XPO4: variants seen among roughly 807,000 people sequenced by gnomAD.
XPO4 encodes the protein exportin 4.
In XPO4, 39 loss-of-function variants were observed where a neutral mutation model predicts 143.0. The observed-to-expected ratio is 0.27, with a 90% CI of 0.21 to 0.36. The LOEUF is 0.36. Ranked by LOEUF, XPO4 falls within the 10% of genes least tolerant of loss-of-function variation. The pLI, the probability that XPO4 is intolerant of heterozygous loss-of-function variation, is 1.00. For missense variants in XPO4, 907 were observed against 1,348.0 expected (o/e 0.67, Z 5.12); for synonymous variants, 439 against 474.0 (o/e 0.93, Z 0.96).
intron 2 of XPO4, chr13:20,866,085 T>A: frequency 1.0e-6 from 1 of 985,446 alleles, no homozygotes; most frequent in Non-Finnish European, 1.2e-6. Flanking sequence ...TTCTTGATTA[T>A]TTCTTTAACA....
At chr13:20,866,717 G>C (rs9509407) in intron 2 of XPO4, among the ~76,000 whole-genome samples, 53,189 of 151,996 alleles carry the variant, frequency 0.35, 11,121 homozygotes, top group Non-Finnish European at 0.48. Flanking sequence ...GCCAGAACTA[G>C]CAATACTACT....
rs1305900526 is a variant in XPO4 at position 20,821,843 on chromosome 13, G to C, written c.1034C>G (p.Ser345Cys). 6.2e-6 allele frequency: 10 copies of C among 1,613,814 alleles called. No individual in the cohort carries two copies. In the African/African-American group the frequency reaches 1.1e-4, roughly 17 times the overall value. The change falls in exon 9 of 23, where the codon TCC becomes TGC. Residue 345 changes from serine to cysteine, a missense_variant. Transcript: ENST00000255305. ...GGTTATCAGGTTGCTGATAATGCTG[G>C]AGATCCCCACAGCTTCAGAATCTTC... ...EIEDSEAVGI[S>C]SIISNLITVF...
intron 2 of XPO4, 34 bp downstream of exon 2, chr13:20,868,562 C>A: frequency 6.3e-7 from 1 of 1,599,372 alleles, no homozygotes; most frequent in South Asian, 1.1e-5. Flanking sequence ...CTGATTATGC[C>A]AAAATATTTT....
At chr13:20,788,113 TGGCGC>T (rs1292287462) in intron 20 of XPO4, among the ~76,000 whole-genome samples, 48 of 150,660 alleles carry the variant, frequency 3.2e-4, no homozygotes, top group Non-Finnish European at 3.0e-5. Flanking sequence ...TGGAGTGCAA[TGGCGC>T]AATCTCGGCT....
At chr13:20,868,347 T>C (rs922140523) in intron 2 of XPO4, 2 of 373,880 alleles carry the variant, frequency 5.3e-6, no homozygotes. Context: ...GCCTTCATGT[T>C]ATGGTCAATA....
At chr13:20,809,765 T>A (rs1267110020) in intron 10 of XPO4, 26 bp downstream of exon 10, 1 of 1,581,114 alleles carries the variant, frequency 6.3e-7, no homozygotes, top group African/African-American at 1.4e-5. Context: ...AATAGACTGT[T>A]AATTACCATC....
intron 3 of XPO4, among the ~76,000 whole-genome samples, chr13:20,860,940 T>TGTA (rs1356640747): frequency 6.6e-6 from 1 of 152,028 alleles, no homozygotes; most frequent in Non-Finnish European, 1.5e-5. Context: ...TTTTTTTGTA[T>TGTA]GTAAGGCAGT....
At chr13:20,872,232 TAA>T (rs1018539032) in intron 1 of XPO4, among the ~76,000 whole-genome samples, 1 of 152,196 alleles carries the variant, frequency 6.6e-6, no homozygotes, top group Non-Finnish European at 1.5e-5. Context: ...TCAACAATCT[TAA>T]GTTACCCTTC....
chr13:20,818,913 C>T (rs909027471), intron 9 of XPO4, among the ~76,000 whole-genome samples: 7 of 151,926 alleles, frequency 4.6e-5, no homozygotes, highest in Non-Finnish European at 1.5e-5. Context: ...CTCCGCCTCT[C>T]GGGTTCAAGA....
chr13:20,785,976 GAGGAAGGAAGGAAGGA>G lies in XPO4; in HGVS notation c.3258+973_3258+988del, dbSNP rs57331137. 6.5e-4 allele frequency among the ~76,000 whole-genome samples: 92 copies of G among 142,032 alleles called. 1 individual carries two copies. Among genetic ancestry groups the G allele is most frequent in the East Asian group, 1.1e-3 (5 of 4,690 alleles). 93.2% of individuals were successfully genotyped at this position (142,032 alleles called of 152,430 possible). A position where few individuals can be genotyped will look rare whatever the true frequency, so the allele number is the denominator to read the frequency against. On this transcript the variant is annotated intron_variant, in intron 22 of 22. Transcript: ENST00000255305. The stretch of plus-strand genomic sequence containing the variant: ...AGATAGAAAAAAGAAAAGAAAAAGA[GAGGAAGGAAGGAAGGA>G]AGGAAGGAAGGAAGGAAGGAAGGAT...
At chr13:20,804,969 G>C (rs2059485410) in intron 13 of XPO4, among the ~76,000 whole-genome samples, 1 of 150,236 alleles carries the variant, frequency 6.7e-6, no homozygotes, top group Non-Finnish European at 1.5e-5. Flanking sequence ...TTTTGAGACA[G>C]GGTCTTGCTG....
intron 20 of XPO4, among the ~76,000 whole-genome samples, chr13:20,787,956 G>A (rs2141480247): frequency 6.6e-6 from 1 of 152,250 alleles, no homozygotes; most frequent in South Asian, 2.1e-4. Context: ...ACCAGGGACT[G>A]AATGCCTCAG....
At chr13:20,870,239 C>G (rs1383373705) in intron 1 of XPO4, among the ~76,000 whole-genome samples, 4 of 151,598 alleles carry the variant, frequency 2.6e-5, no homozygotes, top group Non-Finnish European at 5.9e-5. Context: ...ACCAGCCTGG[C>G]CAACATGGTG....
chr13:20,886,076 T>C (rs1417379051), intron 1 of XPO4, among the ~76,000 whole-genome samples: 1 of 152,208 alleles, frequency 6.6e-6, no homozygotes. Flanking sequence ...TCTAATGAAT[T>C]TGATTTAATA....
At chr13:20,886,711 A>C (rs879463627) in intron 1 of XPO4, among the ~76,000 whole-genome samples, 2 of 152,204 alleles carry the variant, frequency 1.3e-5, no homozygotes, top group Non-Finnish European at 2.9e-5. Context: ...AAACACAAAT[A>C]TATAAACAAG....
intron 4 of XPO4, chr13:20,850,749 A>G: frequency 1.0e-6 from 1 of 963,060 alleles, no homozygotes; most frequent in South Asian, 4.8e-5. Flanking sequence ...CAGGCGATAG[A>G]GCGAGGCCCT....
At chr13:20,831,875 G>A (rs1279993519) in intron 6 of XPO4, among the ~76,000 whole-genome samples, 3 of 140,156 alleles carry the variant, frequency 2.1e-5, no homozygotes, top group Admixed American at 7.9e-5. Flanking sequence ...CAAGGGTTCC[G>A]GCAAGGGATC....
intron 18 of XPO4, among the ~76,000 whole-genome samples, chr13:20,792,161 C>G (rs1010065910): frequency 1.3e-5 from 2 of 152,146 alleles, no homozygotes; most frequent in African/African-American, 4.8e-5. Flanking sequence ...TCGGATACCA[C>G]GTTAAAGAAT....
intron 2 of XPO4, 36 bp from the exon 3 acceptor site, chr13:20,862,894 A>G (rs749420986): frequency 6.2e-7 from 1 of 1,609,516 alleles, no homozygotes; most frequent in African/African-American, 1.3e-5. Flanking sequence ...TTAAACAATA[A>G]TTCATTTTAC....
Sources: gnomAD v4.1 joint callset for allele counts (sites outside exome capture counted in the v4.1 genomes callset) on GRCh38, gnomAD v4.1.1 for gene constraint, MANE v1.5 for transcripts, NCBI Gene and HGNC (gene_info 2026-07-23, HGNC 2026-07-21) for gene names.